The following CELF5 variants were observed in gnomAD, a reference collection of about 807,000 sequenced individuals.
CELF5 encodes CUG-BP and ETR-3 like factor 5.
CELF5 carries 6 observed loss-of-function variants against 54.9 expected under a neutral mutation model. The ratio of observed to expected loss-of-function variants is 0.11; its 90% CI spans 0.06 to 0.22. The LOEUF (loss-of-function observed/expected upper bound fraction) is 0.22, where lower values mean the gene tolerates loss of function less well. Ranked by LOEUF, CELF5 falls within the 10% of genes least tolerant of loss-of-function variation. The pLI is 1.00. For synonymous variants in CELF5, 271 were observed against 290.9 expected (o/e 0.93, Z 0.70); for missense variants, 401 against 678.6 (o/e 0.59, Z 4.54).
At chr19:3,247,928 A>AT (rs1262836056) in intron 1 of CELF5, among the ~76,000 whole-genome samples, 2 of 151,074 alleles carry the variant, frequency 1.3e-5, no homozygotes, top group South Asian at 2.1e-4. Flanking sequence ...CACCTGGCTA[A>AT]TTTTTTTTGT....
chr19:3,250,267 T>TCA (rs1353317833), intron 1 of CELF5, among the ~76,000 whole-genome samples: 1 of 152,154 alleles, frequency 6.6e-6, no homozygotes, highest in Non-Finnish European at 1.5e-5. Flanking sequence ...GGCGGGCAGA[T>TCA]CACGAGGTCA....
At chr19:3,243,421 C>G (rs1182310334) in intron 1 of CELF5, among the ~76,000 whole-genome samples, 5 of 152,158 alleles carry the variant, frequency 3.3e-5, no homozygotes, top group African/African-American at 1.2e-4. Flanking sequence ...GCTGGGACCA[C>G]AGGCACATGC....
chr19:3,232,931 G>T (rs991227925), intron 1 of CELF5, among the ~76,000 whole-genome samples: 1 of 151,862 alleles, frequency 6.6e-6, no homozygotes, highest in South Asian at 2.1e-4. Context: ...AAAATTAGCC[G>T]GGTGTGGTGG....
At chr19:3,271,432 G>C (rs1404795948) in intron 2 of CELF5, among the ~76,000 whole-genome samples, 2 of 152,176 alleles carry the variant, frequency 1.3e-5, no homozygotes, top group African/African-American at 4.8e-5. Context: ...GAAGAGCATG[G>C]AGGTTTTCCT....
rs776357805 is a variant in CELF5, at chr19:3,285,975, C to G, written c.1136C>G (p.Ala379Gly). ...CCCACCGCGGCCATCACGCCCATCG[C>G]GCACAGCGTCCCCCAGCCGCCGCCC... The part of the protein sequence containing the change: ...MYPTAAITPI[A>G]HSVPQPPPLL... Residue 379 changes from alanine to glycine, a missense_variant, in exon 10 of 13, where the codon GCG (alanine) becomes GGG (glycine). Ala to Gly is a moderately conservative substitution (Grantham distance 60). This residue lies in a region of CELF5 where 143 missense variants were observed against 147.6 expected (regional missense o/e 0.97). Coordinates refer to ENST00000292672, the MANE Select transcript of CELF5 (RefSeq NM_021938.4). 26 of 1,588,264 alleles carry G rather than the reference C, an allele frequency of 1.6e-5. No individual in the cohort carries two copies. In the South Asian group the frequency reaches 2.7e-4, roughly 16 times the overall value.
intron 2 of CELF5, among the ~76,000 whole-genome samples, chr19:3,257,885 C>T (rs1324710824): frequency 1.3e-5 from 2 of 151,504 alleles, no homozygotes; most frequent in Admixed American, 1.3e-4. Flanking sequence ...GTGGTGCGAT[C>T]ATAGCTCACT....
chr19:3,267,756 G>T (rs570704250), intron 2 of CELF5, among the ~76,000 whole-genome samples: 2 of 152,062 alleles, frequency 1.3e-5, no homozygotes, highest in Non-Finnish European at 2.9e-5. Context: ...CTGCTCAGAC[G>T]TGGCAGCTGC....
At chr19:3,273,990 T>G in intron 3 of CELF5, 67 bp downstream of exon 3, 345 of 1,473,794 alleles carry the variant, frequency 2.3e-4, no homozygotes, top group Non-Finnish European at 3.0e-4. Flanking sequence ...GGAAAATCTC[T>G]TCCTTCCTCT....
chr19:3,272,009 T>C (rs573901596), intron 2 of CELF5, among the ~76,000 whole-genome samples: 3 of 152,190 alleles, frequency 2.0e-5, no homozygotes, highest in Non-Finnish European at 2.9e-5. Flanking sequence ...TGTTGACATC[T>C]GTAGAAAGGG....
intron 2 of CELF5, among the ~76,000 whole-genome samples, chr19:3,257,719 G>A (rs913089301): frequency 4.0e-5 from 6 of 151,308 alleles, no homozygotes; most frequent in Non-Finnish European, 8.8e-5. Flanking sequence ...CAGATGATCC[G>A]CCTGCCTCGG....
rs1037214674 is a variant in CELF5 at position 3,250,932 on chromosome 19, T to G, written c.260-53T>G. 8 of 1,369,926 alleles carry G rather than the reference T, an allele frequency of 5.8e-6. No homozygotes were observed. The Admixed American group carries it at 8.5e-5, about 14-fold the overall frequency. 84.9% of individuals were successfully genotyped at this position (1,369,926 alleles called of 1,614,324 possible). A position where few individuals can be genotyped will look rare whatever the true frequency, so the allele number is the denominator to read the frequency against. On this transcript the variant is annotated intron_variant, in intron 1 of 12. Transcript: ENST00000292672. The stretch of plus-strand genomic sequence containing the variant: ...GTGGCCACTGTGGGTGGTGCTGCTG[T>G]GACCATGGGTGTGCCCGTGCTCTCT...
chr19:3,226,440 T>TCACACACACACACACACACACACACACA (rs71164666), intron 1 of CELF5, among the ~76,000 whole-genome samples: 13 of 118,966 alleles, frequency 1.1e-4, no homozygotes, highest in African/African-American at 3.0e-4. Flanking sequence ...AAACCAACCA[T>TCACACACACACACACACACACACACACA]CACACACACA....
intron 1 of CELF5, among the ~76,000 whole-genome samples, chr19:3,247,380 C>G (rs2079582081): frequency 1.3e-5 from 2 of 152,098 alleles, no homozygotes; most frequent in Admixed American, 1.3e-4. Flanking sequence ...CCTGCCTTGG[C>G]CTCCCAAAGT....
At chr19:3,272,857 A>T (rs540641189) in intron 2 of CELF5, among the ~76,000 whole-genome samples, 1 of 152,300 alleles carries the variant, frequency 6.6e-6, no homozygotes, top group African/African-American at 2.4e-5. Context: ...ACCAGTGGAG[A>T]TGCAAATGCC....
At chr19:3,262,781 A>G (rs2079822902) in intron 2 of CELF5, among the ~76,000 whole-genome samples, 1 of 151,654 alleles carries the variant, frequency 6.6e-6, no homozygotes, top group African/African-American at 2.4e-5. Context: ...TCTACTAAAA[A>G]TACAAAAATT....
chr19:3,290,478 A>G, intron 11 of CELF5, 104 bp downstream of exon 11: 1 of 1,287,692 alleles, frequency 7.8e-7, no homozygotes, highest in East Asian at 2.3e-5. Flanking sequence ...CTGTGCTGAA[A>G]TAATCACAAT....
In CELF5 at chr19:3,281,877, C is replaced by G. The variant is rs1419641286; in HGVS notation, c.751-249C>G. Reference sequence around the variant, plus strand: ...AACTGAGCCCTGATCCTAGGCTGAGCCTTGATCCCAGGCTGAGCCCCAATT... The same window carrying G: ...AACTGAGCCCTGATCCTAGGCTGAGGCTTGATCCCAGGCTGAGCCCCAATT... On this transcript the variant is annotated intron_variant, in intron 6 of 12. Transcript: ENST00000292672. The surrounding 1 kb of genome is among the most constrained non-coding windows in gnomAD (Gnocchi z 6.5). Among the ~76,000 whole-genome samples, 2 of 152,080 alleles carry G rather than the reference C, an allele frequency of 1.3e-5. No homozygotes were observed. The highest frequency in any genetic ancestry group is 4.8e-5 in the African/African-American group (2 of 41,398).
At chr19:3,274,717 G>A (rs1568354265) in intron 3 of CELF5, among the ~76,000 whole-genome samples, 1 of 152,128 alleles carries the variant, frequency 6.6e-6, no homozygotes, top group Non-Finnish European at 1.5e-5. Flanking sequence ...GACTGAAGGA[G>A]GGCAGCCAGA....
chr19:3,251,669 TTTTTTG>T (rs1331535962), intron 2 of CELF5, among the ~76,000 whole-genome samples: 3 of 138,008 alleles, frequency 2.2e-5, no homozygotes, highest in Non-Finnish European at 3.2e-5. Context: ...TTTTTTTTTT[TTTTTTG>T]TTGTTGTTGT....
Sources: gnomAD v4.1 joint callset for allele counts (sites outside exome capture counted in the v4.1 genomes callset) on GRCh38, gnomAD v4.1.1 for gene constraint, gnomAD v4.1.1 regional missense constraint, Gnocchi (gnomAD v3.1) non-coding constraint, MANE v1.5 for transcripts, NCBI Gene and HGNC (gene_info 2026-07-23, HGNC 2026-07-21) for gene names.